The following SUPV3L1 variants were observed in gnomAD, a reference collection of about 807,000 sequenced individuals.
The protein encoded by SUPV3L1 is ATP-dependent RNA helicase SUPV3L1, mitochondrial.
In SUPV3L1, 35 loss-of-function variants were observed where a neutral mutation model predicts 70.0. That is an observed-to-expected ratio of 0.50 (90% CI 0.38 to 0.66). The LOEUF (loss-of-function observed/expected upper bound fraction) is 0.66. Ranked by LOEUF, SUPV3L1 falls within the 30% of genes least tolerant of loss-of-function variation. SUPV3L1 has a pLI of 0.00. For missense variants in SUPV3L1, 777 were observed against 961.5 expected, an observed-to-expected ratio of 0.81 and a Z score of 2.54; for synonymous variants, 364 against 341.9, an observed-to-expected ratio of 1.06 and a Z score of -0.71.
At chr10:69,184,402 A>C (rs1842156806) in intron 1 of SUPV3L1, among the ~76,000 whole-genome samples, 1 of 151,944 alleles carries the variant, frequency 6.6e-6, no homozygotes, top group African/African-American at 2.4e-5. Context: ...GTGCATGGTG[A>C]TGCATGCCTG....
chr10:69,181,724 A>G (rs574176278), intron 1 of SUPV3L1, among the ~76,000 whole-genome samples: 16 of 152,132 alleles, frequency 1.1e-4, no homozygotes, highest in Non-Finnish European at 2.2e-4. Context: ...AGGGGGCTGA[A>G]CTTATCCTTT....
intron 5 of SUPV3L1, 142 bp downstream of exon 5, chr10:69,189,577 G>A (rs1263968352): frequency 8.0e-6 from 6 of 747,738 alleles, no homozygotes; most frequent in East Asian, 3.3e-5. Flanking sequence ...ATTGTAAGAT[G>A]TACCATTATT....
intron 11 of SUPV3L1, among the ~76,000 whole-genome samples, chr10:69,200,702 G>T (rs1589387867): frequency 6.6e-6 from 1 of 152,194 alleles, no homozygotes; most frequent in Non-Finnish European, 1.5e-5. Flanking sequence ...AGAATGGTAT[G>T]CAAGTGAAGG....
chr10:69,198,664 T>G, intron 9 of SUPV3L1, 112 bp downstream of exon 9: 1 of 981,132 alleles, frequency 1.0e-6, no homozygotes, highest in Non-Finnish European at 1.5e-6. Context: ...GCTTGATGTA[T>G]TGGTAATTTG....
rs527662804 is a variant in SUPV3L1, at chr10:69,191,535, A to T, written c.742-120A>T. On this transcript the variant is annotated intron_variant, in intron 5 of 14. Transcript: ENST00000359655. The stretch of plus-strand genomic sequence containing the variant: ...AGCCACCGTGTCTGGCCGTGGGAAC[A>T]TTATGTTTTAACTGTGAAACAAACT... 3.0e-5 allele frequency: 24 copies of T among 805,442 alleles called. No homozygotes were observed. The East Asian group carries it at 6.3e-4, about 21-fold the overall frequency. 49.9% of individuals were successfully genotyped at this position (805,442 alleles called of 1,614,324 possible). A position where few individuals can be genotyped will look rare whatever the true frequency, so the allele number is the denominator to read the frequency against.
rs1411471425 is a variant in SUPV3L1 at position 69,208,580 on chromosome 10, C to T, written c.1926-20C>T. 6 of 1,602,932 alleles carry T rather than the reference C, an allele frequency of 3.7e-6. No homozygotes were observed. Among genetic ancestry groups the T allele is most frequent in the African/African-American group, 1.3e-5 (1 of 74,680 alleles). On this transcript the variant is annotated intron_variant, in intron 14 of 14. Transcript: ENST00000359655. ...TGCGATAAGAGCTGTTGCTATAATG[C>T]TAATGTGTCTTTTTCCCAGCTACCG... is the stretch of plus-strand genomic sequence containing the variant.
At chr10:69,205,445 G>A (rs1429597759) in intron 13 of SUPV3L1, among the ~76,000 whole-genome samples, 1 of 152,216 alleles carries the variant, frequency 6.6e-6, no homozygotes, top group Non-Finnish European at 1.5e-5. Context: ...CACAATCATA[G>A]CTCACTGTAA....
Position 69,208,959 on chromosome 10 carries a change from A to G in SUPV3L1, c.2285A>G (p.His762Arg), listed in dbSNP as rs752303319. ...GAGTGGATGACACAACAAACTGAAC[A>G]CAACAAAGAAAAAACAGAGTCTGGG... Reference protein sequence around the residue: ...EKEWMTQQTEHNKEKTESGTH... With the variant: ...EKEWMTQQTERNKEKTESGTH... The change falls in exon 15 of 15, where the codon CAC (histidine) becomes CGC (arginine). Residue 762 changes from histidine (H) to arginine (R), a missense_variant. His to Arg is a conservative substitution (Grantham distance 29). Coordinates refer to ENST00000359655, the MANE Select transcript of SUPV3L1 (RefSeq NM_003171.5). The G allele has an allele frequency of 8.6e-5, 138 of 1,614,028 alleles. 4 individuals are homozygous for G. In the Admixed American group the frequency reaches 1.6e-3, roughly 19 times the overall value.
chr10:69,181,975 T>C (rs1184835340), intron 1 of SUPV3L1, among the ~76,000 whole-genome samples: 2 of 150,950 alleles, frequency 1.3e-5, no homozygotes. Context: ...TCTTTTAAGC[T>C]TTTTTTTAGT....
intron 13 of SUPV3L1, 74 bp downstream of exon 13, chr10:69,203,117 C>T: frequency 1.4e-6 from 2 of 1,433,924 alleles, no homozygotes; most frequent in South Asian, 1.4e-5. Flanking sequence ...CTTTGTTATT[C>T]AAAATAAAAT....
intron 1 of SUPV3L1, among the ~76,000 whole-genome samples, chr10:69,183,008 C>T (rs1842109194): frequency 6.6e-6 from 1 of 152,118 alleles, no homozygotes; most frequent in Non-Finnish European, 1.5e-5. Context: ...TCTCCTTCAC[C>T]CTGGACCTAT....
At chr10:69,182,464 G>A (rs1842093795) in intron 1 of SUPV3L1, 1 of 927,856 alleles carries the variant, frequency 1.1e-6, no homozygotes, top group African/African-American at 1.8e-5. Context: ...AGGTAATTTG[G>A]ATGAGATAAT....
chr10:69,189,228 A>C, intron 4 of SUPV3L1, 39 bp from the exon 5 acceptor site: 1 of 1,563,944 alleles, frequency 6.4e-7, no homozygotes, highest in Non-Finnish European at 8.7e-7. Flanking sequence ...ATGGATTTTG[A>C]GGTTAATGGA....
rs1314355695 is a variant in SUPV3L1 at position 69,180,576 on chromosome 10, C to A, written c.271+14C>A. 6.2e-7 allele frequency: 1 copy of A among 1,611,782 alleles called. No individual in the cohort carries two copies. Among genetic ancestry groups the A allele is most frequent in the South Asian group, 1.1e-5 (1 of 91,060 alleles). Reference sequence around the variant, plus strand: ...CTCTGGACAAGAGTGAGTGCGGGAACTACTGAGGGCGGCAGAGGGTGGTGT... The same window carrying A: ...CTCTGGACAAGAGTGAGTGCGGGAAATACTGAGGGCGGCAGAGGGTGGTGT... On this transcript the variant is annotated intron_variant, in intron 1 of 14. Coordinates refer to ENST00000359655, the MANE Select transcript of SUPV3L1 (RefSeq NM_003171.5).
Position 69,208,852 on chromosome 10 carries a change from C to T in SUPV3L1, c.2178C>T (p.Pro726=), listed in dbSNP as rs780879671. ...GTAAAGCTACTGAGCCACCCAGCCCCGATGCAGGAGAGCTGTCCCTTGCTT... is the reference window on the plus strand; with the variant it reads ...GTAAAGCTACTGAGCCACCCAGCCCTGATGCAGGAGAGCTGTCCCTTGCTT... ...LGSKATEPPS[P]DAGELSLASR... The change falls in exon 15 of 15, where the codon CCC becomes CCT. Residue 726 remains proline, a synonymous_variant. Transcript: ENST00000359655. 88 of 1,614,000 alleles carry T rather than the reference C, an allele frequency of 5.5e-5. 1 individual carries two copies. In the South Asian group the frequency reaches 8.3e-4, roughly 15 times the overall value.
chr10:69,204,450 G>A (rs184064209), intron 13 of SUPV3L1, among the ~76,000 whole-genome samples: 6 of 152,264 alleles, frequency 3.9e-5, no homozygotes, highest in African/African-American at 1.4e-4. Context: ...GTCCAGTGCT[G>A]TGGCTCATGC....
At chr10:69,187,861 T>G in intron 4 of SUPV3L1, 105 bp downstream of exon 4, 1 of 724,596 alleles carries the variant, frequency 1.4e-6, no homozygotes, top group Non-Finnish European at 2.2e-6. Flanking sequence ...TTATAAGGAG[T>G]CTGGATTAGG....
Position 69,208,707 on chromosome 10 carries a change from A to C in SUPV3L1, c.2033A>C (p.Lys678Thr), listed in dbSNP as rs762411576. ...DGVHNITKLI[K>T]MSETHKLLNL... ...GTGCACAATATCACTAAATTGATTA[A>C]AATGTCTGAGACGCATAAGCTGTTG... Residue 678 changes from lysine (K) to threonine (T), a missense_variant, in exon 15 of 15, where the codon AAA becomes ACA. Coordinates refer to ENST00000359655, the MANE Select transcript of SUPV3L1 (RefSeq NM_003171.5). 1.5e-5 allele frequency: 24 copies of C among 1,614,230 alleles called. No individual in the cohort carries two copies. The highest frequency in any genetic ancestry group is 3.3e-4 in the Middle Eastern group (2 of 6,062).
intron 10 of SUPV3L1, among the ~76,000 whole-genome samples, chr10:69,200,046 A>G (rs944727016): frequency 4.0e-5 from 6 of 151,026 alleles, no homozygotes; most frequent in African/African-American, 7.3e-5. Context: ...GGGTCTTGCT[A>G]TGTTGCCCAG....
Sources: gnomAD v4.1 joint callset for allele counts (sites outside exome capture counted in the v4.1 genomes callset) on GRCh38, gnomAD v4.1.1 for gene constraint, MANE v1.5 for transcripts, NCBI Gene and HGNC (gene_info 2026-07-23, HGNC 2026-07-21) for gene names.